IFT43: variants seen among roughly 807,000 people sequenced by gnomAD.
IFT43 encodes the protein intraflagellar transport protein 43 homolog.
Under a neutral mutation model 32.3 loss-of-function variants are expected in IFT43, and 33 were observed. The ratio of observed to expected loss-of-function variants is 1.02; its 90% CI spans 0.77 to 1.37. The LOEUF is 1.37. IFT43 is among the 40% of genes most tolerant of loss of function. The probability of loss-of-function intolerance (pLI) is 0.00; values close to 1 mark genes in which losing one functional copy is unlikely to be tolerated. For missense variants in IFT43, 274 were observed against 265.9 expected (o/e 1.03, Z -0.21); for synonymous variants, 93 against 98.2 (o/e 0.95, Z 0.31).
chr14:75,999,275 A>ATG (rs1566699717), intron 2 of IFT43, among the ~76,000 whole-genome samples: 1 of 18,410 alleles, frequency 5.4e-5, no homozygotes, highest in East Asian at 1.9e-3. Context: ...ATATATATGT[A>ATG]TATATATTTT....
At chr14:76,059,499 G>A in intron 5 of IFT43, 126 bp downstream of exon 5, 1 of 873,498 alleles carries the variant, frequency 1.1e-6, no homozygotes, top group South Asian at 1.4e-5. Context: ...TCTGACGCAT[G>A]CTGATGCACA....
chr14:76,031,190 T>A (rs910730442), intron 3 of IFT43, among the ~76,000 whole-genome samples: 3 of 151,922 alleles, frequency 2.0e-5, no homozygotes, highest in Non-Finnish European at 4.4e-5. Flanking sequence ...TTATAAAGTT[T>A]TATTGGAATA....
intron 3 of IFT43, among the ~76,000 whole-genome samples, chr14:76,030,560 T>TA (rs2036491949): frequency 6.6e-6 from 1 of 152,158 alleles, no homozygotes; most frequent in East Asian, 1.9e-4. Context: ...TTTTAAAAAA[T>TA]ACGCTCTATC....
intron 3 of IFT43, among the ~76,000 whole-genome samples, chr14:76,035,593 G>T (rs1289164565): frequency 3.3e-5 from 5 of 152,182 alleles, no homozygotes; most frequent in Non-Finnish European, 7.3e-5. Flanking sequence ...AGGCTAAAAA[G>T]TGTGAAAAGC....
intron 3 of IFT43, among the ~76,000 whole-genome samples, chr14:76,045,622 A>G (rs2036793047): frequency 6.6e-6 from 1 of 152,148 alleles, no homozygotes; most frequent in African/African-American, 2.4e-5. Context: ...CTGCCCCACC[A>G]TCCTTAGCGT....
chr14:76,035,110 T>G (rs1483033385), intron 3 of IFT43, among the ~76,000 whole-genome samples: 1 of 152,232 alleles, frequency 6.6e-6, no homozygotes, highest in Non-Finnish European at 1.5e-5. Context: ...GCCGTCATTT[T>G]CAATCACCCT....
intron 3 of IFT43, among the ~76,000 whole-genome samples, chr14:76,027,336 C>CCG (rs1200210412): frequency 3.6e-4 from 17 of 47,686 alleles, no homozygotes; most frequent in African/African-American, 1.2e-3. Flanking sequence ...CCCCAACACC[C>CCG]CCCACACACA....
At chr14:75,986,446 C>CAAAAA (rs60299035) in intron 1 of IFT43, 3 of 148,968 alleles carry the variant, frequency 2.0e-5, no homozygotes, top group Non-Finnish European at 4.1e-5. Flanking sequence ...TGCCTGGGTT[C>CAAAAA]AAAAAAAAAA....
intron 1 of IFT43, 135 bp downstream of exon 1, chr14:75,985,975 A>AGCCTC: frequency 6.5e-7 from 1 of 1,530,210 alleles, no homozygotes; most frequent in Non-Finnish European, 8.8e-7. Flanking sequence ...AGAAGGAGGC[A>AGCCTC]GCCTCACCGC....
chr14:75,994,205 A>G (rs2035699768), intron 2 of IFT43, among the ~76,000 whole-genome samples: 2 of 152,030 alleles, frequency 1.3e-5, no homozygotes, highest in Non-Finnish European at 2.9e-5. Context: ...GTGAAAAAAA[A>G]TTGTATGCCC....
intron 5 of IFT43, among the ~76,000 whole-genome samples, chr14:76,080,148 C>A (rs1220352660): frequency 6.6e-6 from 1 of 152,218 alleles, no homozygotes; most frequent in East Asian, 1.9e-4. Context: ...GCTGTCACTG[C>A]ACAAGAATGT....
At chr14:76,080,187 G>T (rs1015029714) in intron 5 of IFT43, among the ~76,000 whole-genome samples, 1 of 152,118 alleles carries the variant, frequency 6.6e-6, no homozygotes, top group South Asian at 2.1e-4. Context: ...GGCTGTCATC[G>T]CTGGCTCTGT....
At chr14:76,070,662 T>G (rs543666038) in intron 5 of IFT43, among the ~76,000 whole-genome samples, 4 of 152,174 alleles carry the variant, frequency 2.6e-5, no homozygotes, top group Non-Finnish European at 5.9e-5. Context: ...TAGTGTGAGG[T>G]GACTGGATTA....
chr14:76,082,266 G>C (rs1179659742), intron 5 of IFT43, 29 bp from the exon 6 acceptor site: 2 of 1,606,708 alleles, frequency 1.2e-6, no homozygotes, highest in Admixed American at 3.3e-5. Flanking sequence ...GAGTTCTGCA[G>C]ACAGTGTTGC....
chr14:76,046,516 G>A (rs1407744305), intron 3 of IFT43, among the ~76,000 whole-genome samples: 1 of 152,020 alleles, frequency 6.6e-6, no homozygotes, highest in Admixed American at 6.5e-5. Context: ...CTCAGGGTGG[G>A]GATCAGTTAC....
intron 2 of IFT43, among the ~76,000 whole-genome samples, chr14:75,994,894 T>TA (rs1270162936): frequency 6.6e-6 from 1 of 152,226 alleles, no homozygotes; most frequent in Non-Finnish European, 1.5e-5. Flanking sequence ...ACCGAAAAGT[T>TA]ACCTTCTACT....
intron 2 of IFT43, among the ~76,000 whole-genome samples, chr14:76,019,062 G>T (rs2036242272): frequency 1.3e-5 from 2 of 151,948 alleles, no homozygotes; most frequent in Admixed American, 1.3e-4. Context: ...TTTTCTGGTT[G>T]TTTTATATAT....
chr14:75,988,508 G>A (rs1056943640), intron 1 of IFT43, among the ~76,000 whole-genome samples: 5 of 92,426 alleles, frequency 5.4e-5, no homozygotes, highest in African/African-American at 2.5e-4. Context: ...ACCTTCCCAG[G>A]CTTGTCATCT....
In IFT43 at chr14:75,999,268, TATATGTATA is replaced by T. The variant is rs1303238611; in HGVS notation, c.147+10292_147+10300del. Among the ~76,000 whole-genome samples, 71 of 25,486 alleles carry T rather than the reference TATATGTATA, an allele frequency of 2.8e-3. 4 individuals carry two copies. Among genetic ancestry groups the T allele is most frequent in the African/African-American group, 8.3e-3 (38 of 4,570 alleles). 16.7% of individuals were successfully genotyped at this position (25,486 alleles called of 152,430 possible). A position where few individuals can be genotyped will look rare whatever the true frequency, so the allele number is the denominator to read the frequency against. Reference sequence around the variant, plus strand: ...ATATATATATATATATATATATATATATATGTATATATATTTTTTTTTTTTTTTTTTTAA... The same window carrying T: ...ATATATATATATATATATATATATATTATATTTTTTTTTTTTTTTTTTTAA... On this transcript the variant is annotated intron_variant, in intron 2 of 8. Coordinates refer to ENST00000314067, the MANE Select transcript of IFT43 (RefSeq NM_001102564.3).
Sources: allele counts gnomAD v4.1 joint callset (sites outside exome capture counted in the v4.1 genomes callset), GRCh38; gene constraint gnomAD v4.1.1; transcripts MANE v1.5; gene names NCBI Gene and HGNC (gene_info 2026-07-23, HGNC 2026-07-21).